The following CADM2 variants were observed in gnomAD, a reference collection of about 807,000 sequenced individuals.
The protein encoded by CADM2 is cell adhesion molecule 2.
In CADM2, 12 loss-of-function variants were observed where a neutral mutation model predicts 49.8. The observed-to-expected ratio is 0.24, with a 90% CI of 0.15 to 0.39. The LOEUF (loss-of-function observed/expected upper bound fraction) is 0.39. Ranked by LOEUF, CADM2 falls within the 10% of genes least tolerant of loss-of-function variation. The pLI is 1.00. For synonymous variants in CADM2, 214 were observed against 175.4 expected, an observed-to-expected ratio of 1.22 and a Z score of -1.74; for missense variants, 378 against 492.3, an observed-to-expected ratio of 0.77 and a Z score of 2.20.
chr3:85,643,479 C>T (rs992313138), intron 1 of CADM2, among the ~76,000 whole-genome samples: 1 of 152,088 alleles, frequency 6.6e-6, no homozygotes, highest in Non-Finnish European at 1.5e-5. Context: ...TGATTAGCTG[C>T]CAGCTCTAAT....
intron 6 of CADM2, among the ~76,000 whole-genome samples, chr3:85,931,181 T>A (rs1720540619): frequency 6.6e-6 from 1 of 151,682 alleles, no homozygotes; most frequent in Non-Finnish European, 1.5e-5. Context: ...GAGACCAGCC[T>A]GGGCAACACA....
intron 1 of CADM2, among the ~76,000 whole-genome samples, chr3:85,231,719 T>TG (rs1253254933): frequency 1.3e-5 from 2 of 150,954 alleles, no homozygotes; most frequent in East Asian, 3.9e-4. Flanking sequence ...TTTTTTTTTT[T>TG]TTTTGTTTTT....
intron 1 of CADM2, among the ~76,000 whole-genome samples, chr3:85,631,752 C>A (rs536271832): frequency 2.0e-5 from 3 of 151,954 alleles, no homozygotes; most frequent in Admixed American, 2.0e-4. Context: ...TATTTTCTTA[C>A]CAATATTGTT....
chr3:85,596,819 C>G (rs2063255688), intron 1 of CADM2, among the ~76,000 whole-genome samples: 2 of 152,080 alleles, frequency 1.3e-5, no homozygotes, highest in African/African-American at 4.8e-5. Context: ...CAAGTTCAAG[C>G]AATCTCCCAA....
intron 1 of CADM2, among the ~76,000 whole-genome samples, chr3:85,672,773 T>C (rs1313950206): frequency 1.3e-5 from 2 of 152,146 alleles, no homozygotes; most frequent in Non-Finnish European, 2.9e-5. Context: ...GTTACAGAAA[T>C]GGTTATGTGT....
At chr3:85,448,610 C>T (rs984833792) in intron 1 of CADM2, among the ~76,000 whole-genome samples, 3 of 151,762 alleles carry the variant, frequency 2.0e-5, no homozygotes, top group Non-Finnish European at 4.4e-5. Context: ...TGTGTGCATG[C>T]GTGTGTGTGT....
chr3:85,868,790 T>C (rs2108346239), intron 3 of CADM2, among the ~76,000 whole-genome samples: 1 of 152,314 alleles, frequency 6.6e-6, no homozygotes, highest in African/African-American at 2.4e-5. Flanking sequence ...TCTTCTGCTT[T>C]CTGAGCTATC....
chr3:86,058,809 C>T (rs1318391975), intron 8 of CADM2, among the ~76,000 whole-genome samples: 1 of 151,576 alleles, frequency 6.6e-6, no homozygotes, highest in African/African-American at 2.4e-5. Flanking sequence ...AAAAATTTTA[C>T]ATGGTCAGAC....
chr3:85,338,396 T>C (rs2107182091), intron 1 of CADM2, among the ~76,000 whole-genome samples: 1 of 151,742 alleles, frequency 6.6e-6, no homozygotes, highest in South Asian at 2.1e-4. Context: ...GTTTGTTTGT[T>C]TTTAACCACT....
intron 1 of CADM2, among the ~76,000 whole-genome samples, chr3:85,543,420 A>ATGTGTGTGTGGGGGTGTGTGTGTGTG: frequency 7.7e-6 from 1 of 129,642 alleles, no homozygotes; most frequent in South Asian, 2.5e-4. Flanking sequence ...TGCCAAGCTA[A>ATGTGTGTGTGGGGGTGTGTGTGTGTG]TGTGTGTGTG....
intron 1 of CADM2, among the ~76,000 whole-genome samples, chr3:85,206,965 C>G (rs1033975083): frequency 7.1e-6 from 1 of 140,736 alleles, no homozygotes; most frequent in Non-Finnish European, 1.5e-5. Flanking sequence ...AAGGCCATAA[C>G]CTCCCCCCCT....
At chr3:85,898,720 G>T (rs1377218830) in intron 5 of CADM2, among the ~76,000 whole-genome samples, 2 of 151,250 alleles carry the variant, frequency 1.3e-5, no homozygotes, top group Non-Finnish European at 2.9e-5. Flanking sequence ...CCCAGTGATG[G>T]ACATTCAGGT....
At chr3:85,632,497 CT>C (rs374114367) in intron 1 of CADM2, among the ~76,000 whole-genome samples, 115 of 152,114 alleles carry the variant, frequency 7.6e-4, no homozygotes, top group Non-Finnish European at 1.3e-3. Flanking sequence ...AGGGAAGAGC[CT>C]TTTGTTGGCT....
chr3:85,028,528 A>G (rs967284224), intron 1 of CADM2, among the ~76,000 whole-genome samples: 3 of 152,220 alleles, frequency 2.0e-5, no homozygotes, highest in Non-Finnish European at 2.9e-5. Context: ...GCCAATTAGT[A>G]TCTTAAAGTA....
intron 3 of CADM2, 152 bp downstream of exon 3, chr3:85,802,348 T>C (rs1222542814): frequency 1.2e-5 from 8 of 666,690 alleles, no homozygotes; most frequent in South Asian, 2.8e-5. Context: ...ATACTTTAGT[T>C]TGCAAGTCAT....
chr3:85,383,086 C>CTGTT (rs1241833166), intron 1 of CADM2, among the ~76,000 whole-genome samples: 1 of 152,138 alleles, frequency 6.6e-6, no homozygotes, highest in African/African-American at 2.4e-5. Context: ...ACACTGCTGA[C>CTGTT]TGTTCAAACT....
rs1044186750 is a variant in CADM2, at chr3:85,883,378, G to C, written c.326G>C (p.Gly109Ala). 1.2e-6 allele frequency: 2 copies of C among 1,613,740 alleles called. No individual in the cohort carries two copies. The highest frequency in any genetic ancestry group is 1.7e-6 in the Non-Finnish European group (2 of 1,179,740). The change falls in exon 4 of 10, where the codon GGA becomes GCA. Residue 109 changes from glycine (G) to alanine (A), a missense_variant. Coordinates refer to ENST00000383699, the MANE Select transcript of CADM2 (RefSeq NM_001167675.2). The stretch of plus-strand genomic sequence containing the variant: ...AGTGATGTGTCTCTCTCTGATGAAG[G>C]ACAGTACACCTGTTCTTTATTTACA... ...SVSDVSLSDE[G>A]QYTCSLFTMP...
intron 1 of CADM2, among the ~76,000 whole-genome samples, chr3:85,308,702 G>A (rs1307302238): frequency 6.6e-6 from 1 of 151,952 alleles, no homozygotes; most frequent in Non-Finnish European, 1.5e-5. Context: ...TATAGAAAGA[G>A]CTTTGCAGTG....
At chr3:85,935,028 T>A (rs1721036950) in intron 6 of CADM2, among the ~76,000 whole-genome samples, 1 of 152,064 alleles carries the variant, frequency 6.6e-6, no homozygotes, top group African/African-American at 2.4e-5. Flanking sequence ...ATGAAATATG[T>A]TACCTTTGTG....
Sources: allele counts gnomAD v4.1 joint callset (sites outside exome capture counted in the v4.1 genomes callset), GRCh38; gene constraint gnomAD v4.1.1; transcripts MANE v1.5; gene names NCBI Gene and HGNC (gene_info 2026-07-23, HGNC 2026-07-21).